Variants in DAB1 observed in about 807,000 individuals in gnomAD.
DAB1 encodes DAB adaptor protein 1.
In DAB1, 15 loss-of-function variants were observed where a neutral mutation model predicts 64.6. The observed-to-expected ratio is 0.23, with a 90% CI of 0.16 to 0.36. The LOEUF (loss-of-function observed/expected upper bound fraction) is 0.36, where lower values mean the gene tolerates loss of function less well. Ranked by LOEUF, DAB1 falls within the 10% of genes least tolerant of loss-of-function variation. The pLI is 1.00. For synonymous variants in DAB1, 235 were observed against 251.9 expected (o/e 0.93, Z 0.64); for missense variants, 596 against 706.7 (o/e 0.84, Z 1.78).
chr1:58,073,940 G>A (rs1457903844), intron 5 of DAB1, among the ~76,000 whole-genome samples: 1 of 152,182 alleles, frequency 6.6e-6, no homozygotes, highest in East Asian at 1.9e-4. Flanking sequence ...GCTATCTTAA[G>A]TCCTCAAAGA....
At chr1:57,451,663 CAG>C (rs1214317161) in intron 7 of DAB1, among the ~76,000 whole-genome samples, 2 of 152,302 alleles carry the variant, frequency 1.3e-5, no homozygotes, top group African/African-American at 4.8e-5. Context: ...GCGAAGGACG[CAG>C]AGAGTTCAGT....
At chr1:58,429,020 G>A (rs558024718) in intron 3 of DAB1, among the ~76,000 whole-genome samples, 15 of 152,192 alleles carry the variant, frequency 9.9e-5, no homozygotes, top group Non-Finnish European at 1.9e-4. Flanking sequence ...TTTTGTAATC[G>A]TGTAGTATAA....
intron 5 of DAB1, among the ~76,000 whole-genome samples, chr1:58,013,948 C>A (rs1411839498): frequency 6.6e-6 from 1 of 151,144 alleles, no homozygotes; most frequent in African/African-American, 2.4e-5. Context: ...ACCAGCACAC[C>A]ACTGGTAATA....
chr1:58,520,499 G>T (rs1172915392), intron 2 of DAB1, among the ~76,000 whole-genome samples: 1 of 152,038 alleles, frequency 6.6e-6, no homozygotes, highest in African/African-American at 2.4e-5. Flanking sequence ...TTACAAATAA[G>T]AAATGCAAAT....
At chr1:58,126,778 G>C (rs1436113411) in intron 5 of DAB1, among the ~76,000 whole-genome samples, 13 of 151,884 alleles carry the variant, frequency 8.6e-5, no homozygotes, top group Admixed American at 7.2e-4. Flanking sequence ...TCCCTACAAA[G>C]GACATGAACC....
Position 57,053,642 on chromosome 1 carries a change from A to ATC in DAB1, c.723+9240_723+9241dup, listed in dbSNP as rs146813079. Among the ~76,000 whole-genome samples, 696 of 126,306 alleles carry ATC rather than the reference A, an allele frequency of 5.5e-3. 10 individuals carry two copies. Among genetic ancestry groups the ATC allele is most frequent in the African/African-American group, 0.021 (655 of 31,902 alleles). The allele number at this position is 126,306 out of a possible 152,430, so 82.9% of individuals were successfully genotyped here. A position where few individuals can be genotyped will look rare whatever the true frequency, so the allele number is the denominator to read the frequency against. On this transcript the variant is annotated intron_variant, in intron 9 of 14. Coordinates refer to ENST00000371236, the MANE Select transcript of DAB1 (RefSeq NM_001365792.1). ...TTACTACTATGCCAACCATCTAAGA[A>ATC]TCTCTCTCTCTCTCTCTCTATATGT...
intron 9 of DAB1, among the ~76,000 whole-genome samples, chr1:57,047,123 T>C (rs975991722): frequency 7.2e-5 from 11 of 152,244 alleles, no homozygotes; most frequent in African/African-American, 2.4e-4. Flanking sequence ...GATTCTTAGT[T>C]ATGCCTCTTC....
intron 7 of DAB1, among the ~76,000 whole-genome samples, chr1:57,639,609 T>C (rs1646103647): frequency 6.6e-6 from 1 of 152,120 alleles, no homozygotes; most frequent in Non-Finnish European, 1.5e-5. Flanking sequence ...GAAAATAATG[T>C]GTCCATGAAC....
intron 6 of DAB1, among the ~76,000 whole-genome samples, chr1:57,718,242 T>C (rs1283578711): frequency 6.6e-6 from 1 of 152,186 alleles, no homozygotes; most frequent in Non-Finnish European, 1.5e-5. Flanking sequence ...AATGTATACC[T>C]GTATTAAAAT....
At chr1:58,039,981 A>T (rs1647110051) in intron 5 of DAB1, among the ~76,000 whole-genome samples, 2 of 152,126 alleles carry the variant, frequency 1.3e-5, no homozygotes. Flanking sequence ...AAATATATAA[A>T]ATTTTACCTA....
chr1:57,071,372 G>T, intron 6 of DAB1, 150 bp downstream of exon 6: 1 of 882,968 alleles, frequency 1.1e-6, no homozygotes, highest in Non-Finnish European at 1.7e-6. Flanking sequence ...AATTTCTAAT[G>T]GCTTGCTTTG....
intron 4 of DAB1, among the ~76,000 whole-genome samples, chr1:58,168,719 T>A (rs931339988): frequency 1.3e-5 from 2 of 152,126 alleles, no homozygotes; most frequent in Admixed American, 1.3e-4. Context: ...AGAAATGACA[T>A]CCTTCCTATT....
At chr1:57,319,031 C>A (rs1403027182) in intron 1 of DAB1, among the ~76,000 whole-genome samples, 2 of 152,132 alleles carry the variant, frequency 1.3e-5, no homozygotes, top group Non-Finnish European at 2.9e-5. Flanking sequence ...TGAAAGGCCT[C>A]CATGTCATCA....
At chr1:57,410,987 G>A (rs1382336293) in intron 1 of DAB1, among the ~76,000 whole-genome samples, 1 of 152,166 alleles carries the variant, frequency 6.6e-6, no homozygotes, top group Non-Finnish European at 1.5e-5. Flanking sequence ...ATGACTGTTG[G>A]AGGGAAATGA....
exon 3 of DAB1, chr1:58,506,115 G>A (rs1489410566): frequency 1.1e-6 from 1 of 872,340 alleles, no homozygotes; most frequent in South Asian, 1.3e-5. Context: ...AGGGTGTGTA[G>A]ATAACCATTC....
intron 5 of DAB1, among the ~76,000 whole-genome samples, chr1:58,060,578 T>C (rs1238716106): frequency 6.6e-6 from 1 of 152,142 alleles, no homozygotes; most frequent in Non-Finnish European, 1.5e-5. Flanking sequence ...CAGGAGATCT[T>C]TTTTTTACCT....
Position 57,606,391 on chromosome 1 carries a change from T to TAC in DAB1, n.625+43199_625+43200dup, listed in dbSNP as rs1553199442. Among the ~76,000 whole-genome samples the TAC allele has an allele frequency of 3.9e-4, 49 of 126,418 alleles. 1 individual carries two copies. The highest frequency in any genetic ancestry group is 4.7e-4 in the Non-Finnish European group (29 of 62,352). The allele number at this position is 126,418 out of a possible 152,430, so 82.9% of individuals were successfully genotyped here. A position where few individuals can be genotyped will look rare whatever the true frequency, so the allele number is the denominator to read the frequency against. ...CATTCTAATCCTATATATATATATA[T>TAC]ACACATTATATTATATATATGATAT... On this transcript the variant is annotated intron_variant and non_coding_transcript_variant, in intron 7 of 20. Transcript: ENST00000485760.
At chr1:58,130,883 C>T (rs1375955972) in intron 5 of DAB1, among the ~76,000 whole-genome samples, 6 of 151,894 alleles carry the variant, frequency 4.0e-5, no homozygotes, top group Non-Finnish European at 8.8e-5. Flanking sequence ...CTCTGGCTGC[C>T]CTTAACATTT....
chr1:57,618,850 A>G (rs1645821533), intron 7 of DAB1, among the ~76,000 whole-genome samples: 1 of 152,146 alleles, frequency 6.6e-6, no homozygotes, highest in Non-Finnish European at 1.5e-5. Flanking sequence ...AAGAATTTAG[A>G]TCCTGGAGAC....
Sources: gnomAD v4.1 joint callset for allele counts (sites outside exome capture counted in the v4.1 genomes callset) on GRCh38, gnomAD v4.1.1 for gene constraint, MANE v1.5 for transcripts, NCBI Gene and HGNC (gene_info 2026-07-23, HGNC 2026-07-21) for gene names.